ZNF142: variants seen among roughly 807,000 people sequenced by gnomAD.
ZNF142 encodes zinc finger protein 142.
A neutral mutation model predicts 132.1 loss-of-function variants in ZNF142; 96 were observed. The observed-to-expected ratio is 0.73, with a 90% CI of 0.62 to 0.86. ZNF142 has a LOEUF of 0.86. ZNF142 is among the 40% of genes least tolerant of loss of function. The pLI is 0.00. For missense variants in ZNF142, 2,163 were observed against 2,336.2 expected (o/e 0.93, Z 1.53); for synonymous variants, 842 against 890.1 (o/e 0.95, Z 0.96).
chr2:218,656,517 C>T (rs1938519322), intron 3 of ZNF142, 54 bp from the exon 4 acceptor site: 1 of 1,362,268 alleles, frequency 7.3e-7, no homozygotes. Context: ...TTACTTTCTT[C>T]CTGGCTGGCG....
At position 218,649,114 on chromosome 2, in the gene ZNF142, C is replaced by A; in HGVS notation, c.1394G>T (p.Ser465Ile). The A allele has an allele frequency of 6.2e-7, 1 of 1,614,134 alleles. No individual in the cohort carries two copies. Among genetic ancestry groups the A allele is most frequent in the Non-Finnish European group, 8.5e-7 (1 of 1,180,054 alleles). Residue 465 changes from serine to isoleucine, a missense_variant, in exon 7 of 11, where the codon AGC (serine) becomes ATC (isoleucine). Coordinates refer to ENST00000411696, the MANE Select transcript of ZNF142 (RefSeq NM_001379659.1). ...CTTGAGGTGCTCCTTTAGGGCCTGGCTGAGGCGGAATTCCTCACGGCAGAC... is the reference window on the plus strand; with the variant it reads ...CTTGAGGTGCTCCTTTAGGGCCTGGATGAGGCGGAATTCCTCACGGCAGAC... ...CPVCREEFRL[S>I]QALKEHLKSH...
chr2:218,643,074 T>C lies in ZNF142; in HGVS notation c.4042A>G (p.Thr1348Ala), dbSNP rs2106210806. The C allele has an allele frequency of 1.9e-6, 3 of 1,605,132 alleles. No individual in the cohort carries two copies. Among genetic ancestry groups the C allele is most frequent in the South Asian group, 1.1e-5 (1 of 90,422 alleles). Residue 1348 changes from threonine to alanine, a missense_variant, in exon 9 of 11, where the codon ACT (threonine) becomes GCT (alanine). Physicochemically the swap from Thr to Ala is moderately conservative, Grantham distance 58. Around this residue, in one of 7 missense-constraint regions of ZNF142, gnomAD observed 809 missense variants for 801.7 expected, o/e 1.01. Transcript: ENST00000411696. ...SLCPFTAPAA[T>A]ALRLHQKRRH... is the part of the protein sequence containing the mutation. ...CGCTTCTGGTGGAGCCTTAAGGCAG[T>C]GGCAGCAGGAGCAGTGAATGGGCAG...
intron 3 of ZNF142, among the ~76,000 whole-genome samples, chr2:218,656,753 C>A (rs1938545697): frequency 6.6e-6 from 1 of 151,586 alleles, no homozygotes; most frequent in Non-Finnish European, 1.5e-5. Flanking sequence ...AGTCATTAAG[C>A]AATTTGGGTC....
chr2:218,649,622 C>CT (rs1315577701), intron 6 of ZNF142, among the ~76,000 whole-genome samples, 163 bp from the exon 7 acceptor site: 1 of 152,212 alleles, frequency 6.6e-6, no homozygotes, highest in African/African-American at 2.4e-5. Flanking sequence ...GGGTGAGAAA[C>CT]TCAAGTTTTA....
At chr2:218,646,109 A>G in intron 8 of ZNF142, 62 bp downstream of exon 8, 1 of 1,574,648 alleles carries the variant, frequency 6.4e-7, no homozygotes, top group Non-Finnish European at 8.6e-7. Flanking sequence ...GTTAGATCCG[A>G]GAGGAAGCTA....
intron 7 of ZNF142, 149 bp from the exon 8 acceptor site, chr2:218,646,497 A>G: frequency 1.2e-6 from 1 of 859,982 alleles, no homozygotes; most frequent in Non-Finnish European, 1.7e-6. Context: ...TCACAATAAT[A>G]AAGGGCTGCT....
rs774095116 is a variant in ZNF142, at chr2:218,644,280, C to T, written c.2836G>A (p.Gly946Arg). The T allele has an allele frequency of 3.1e-6, 5 of 1,613,932 alleles. No individual in the cohort carries two copies. In the East Asian group the frequency reaches 1.1e-4, roughly 36 times the overall value. Residue 946 changes from glycine (G) to arginine (R), a missense_variant, in exon 9 of 11, where the codon GGG becomes AGG. This residue lies in a region of ZNF142 where 749 missense variants were observed against 830.3 expected (regional missense o/e 0.90). Transcript: ENST00000411696. This position sits in a 1 kb window ranked among gnomAD's most constrained non-coding sequence, Gnocchi z 4.6. ...TCTTCAGCACTCAAGTCAGAAGTCC[C>T]AATACCTTCAAAGCTAGATAGCTCT... is the stretch of plus-strand genomic sequence containing the variant. ...GPELSSFEGI[G>R]TSDLSAEENP...
At position 218,639,171 on chromosome 2, in the gene ZNF142, A is replaced by G. The variant is rs538166008; in HGVS notation, c.5195-363T>C. ...TTTTTAGTGAAGACAGGGTTTCACC[A>G]TGTTGGCCAGGCTGGTCTTGAACTC... On this transcript the variant is annotated intron_variant, in intron 10 of 10. Coordinates refer to ENST00000411696, the MANE Select transcript of ZNF142 (RefSeq NM_001379659.1). Among the ~76,000 whole-genome samples, 5 of 152,260 alleles carry G rather than the reference A, an allele frequency of 3.3e-5. No homozygotes were observed. The East Asian group carries it at 9.7e-4, about 29-fold the overall frequency.
rs555720330 is a variant in ZNF142 at position 218,634,690 on chromosome 2, G to A, written c.*3649C>T. ...GATAACTGGGATAGAAGTGAGGGAA[G>A]AGGTGGCTAGGCCTGACCGGAATGT... On this transcript the variant is annotated 3_prime_UTR_variant, in exon 11 of 11. Transcript: ENST00000411696. The surrounding 1 kb of genome is among the most constrained non-coding windows in gnomAD (Gnocchi z 4.0). The A allele has an allele frequency of 1.3e-6, 2 of 1,576,662 alleles. No homozygotes were observed. The highest frequency in any genetic ancestry group is 1.7e-6 in the Non-Finnish European group (2 of 1,154,326).
chr2:218,638,146 T>C lies in ZNF142; in HGVS notation c.*193A>G. On this transcript the variant is annotated 3_prime_UTR_variant, in exon 11 of 11. Coordinates refer to ENST00000411696, the MANE Select transcript of ZNF142 (RefSeq NM_001379659.1). Reference sequence around the variant, plus strand: ...ATGTACAGCAATAAGAAATCAACGTTATAGTCCATGTCCCTCTTTTATATG... The same window carrying C: ...ATGTACAGCAATAAGAAATCAACGTCATAGTCCATGTCCCTCTTTTATATG... 4.4e-6 allele frequency: 2 copies of C among 458,488 alleles called. No individual in the cohort carries two copies. Among genetic ancestry groups the C allele is most frequent in the Non-Finnish European group, 7.2e-6 (2 of 276,760 alleles). 28.4% of individuals were successfully genotyped at this position (458,488 alleles called of 1,614,324 possible).
At chr2:218,641,338 C>T (rs1399559569) in intron 9 of ZNF142, among the ~76,000 whole-genome samples, 2 of 151,386 alleles carry the variant, frequency 1.3e-5, no homozygotes, top group Non-Finnish European at 1.5e-5. Flanking sequence ...GTTCTGCCTC[C>T]CAGGTTCACG....
Position 218,651,922 on chromosome 2 carries a change from G to T in ZNF142, c.659C>A (p.Ala220Glu). The T allele has an allele frequency of 8.0e-7, 1 of 1,248,254 alleles. No homozygotes were observed. The highest frequency in any genetic ancestry group is 1.1e-6 in the Non-Finnish European group (1 of 950,988). The allele number at this position is 1,248,254 out of a possible 1,614,324, so 77.3% of individuals were successfully genotyped here. ...LQHHLRQTHR[A>E]VPVPCSFRGC... The stretch of plus-strand genomic sequence containing the variant: ...CCGGAAAGAACAGGGCACAGGAACT[G>T]CTCTGTGAGTCTGCCTCAGGTGGTG... Residue 220 changes from alanine to glutamate, a missense_variant, in exon 5 of 11, where the codon GCA becomes GAA. Around this residue, in one of 7 missense-constraint regions of ZNF142, gnomAD observed 195 missense variants for 172.4 expected, o/e 1.13. Transcript: ENST00000411696.
chr2:218,640,718 C>A lies in ZNF142; in HGVS notation c.5140G>T (p.Gly1714Cys). The A allele has an allele frequency of 6.2e-7, 1 of 1,614,180 alleles. No individual in the cohort carries two copies. The highest frequency in any genetic ancestry group is 8.5e-7 in the Non-Finnish European group (1 of 1,180,028). The change falls in exon 10 of 11, where the codon GGC (glycine) becomes TGC (cysteine). Residue 1714 changes from glycine (G) to cysteine (C), a missense_variant. Physicochemically the swap from Gly to Cys is radical, Grantham distance 159. Around this residue, in one of 7 missense-constraint regions of ZNF142, gnomAD observed 325 missense variants for 367.8 expected, o/e 0.88. Transcript: ENST00000411696. Reference sequence around the variant, plus strand: ...TGGTTGACCCACTTGCACTTGTAGCCACACTCAGGGCACAGGTACTTCCGT... The same window carrying A: ...TGGTTGACCCACTTGCACTTGTAGCAACACTCAGGGCACAGGTACTTCCGT... ...EERKYLCPECGYKCKWVNQLK... is the reference protein window; with the variant it reads ...EERKYLCPECCYKCKWVNQLK...
Position 218,633,903 on chromosome 2 carries a change from G to A in ZNF142, c.*4436C>T. On this transcript the variant is annotated 3_prime_UTR_variant, in exon 11 of 11. Coordinates refer to ENST00000411696, the MANE Select transcript of ZNF142 (RefSeq NM_001379659.1). The stretch of plus-strand genomic sequence containing the variant: ...TCAGAAACTCCTTAGAGCAGACAAG[G>A]GCAGAGGAGTTATGAATAGTGGCTC... 1 of 1,237,682 alleles carries A rather than the reference G, an allele frequency of 8.1e-7. No homozygotes were observed. Among genetic ancestry groups the A allele is most frequent in the Non-Finnish European group, 1.1e-6 (1 of 879,266 alleles). 76.7% of individuals were successfully genotyped at this position (1,237,682 alleles called of 1,614,324 possible).
chr2:218,647,116 C>T (rs935903418), intron 7 of ZNF142, among the ~76,000 whole-genome samples: 1 of 152,022 alleles, frequency 6.6e-6, no homozygotes, highest in Admixed American at 6.6e-5. Flanking sequence ...CTCTTCTGAG[C>T]ACTTTGTAAA....
In ZNF142 at chr2:218,653,686, CCTTTT is replaced by C. The variant is rs1160724750; in HGVS notation, c.281-1391_281-1387del. On this transcript the variant is annotated intron_variant, in intron 4 of 10. Coordinates refer to ENST00000411696, the MANE Select transcript of ZNF142 (RefSeq NM_001379659.1). ...ACAATTTGGTGTGTTTCTTTTTGAC[CCTTTT>C]CTTTCCACTTGCTATATATCAAAGA... is the stretch of plus-strand genomic sequence containing the variant. 1.5e-4 allele frequency among the ~76,000 whole-genome samples: 23 copies of C among 152,168 alleles called. No homozygotes were observed. In the East Asian group the frequency reaches 3.9e-3, roughly 26 times the overall value.
rs903491842 is a variant in ZNF142, at chr2:218,652,055, G to A, written c.526C>T (p.Pro176Ser). ...CPVCRQEFAQ[P>S]QALKSHFKIH... ...TTGAAGTGGCTCTTCAGGGCCTGGG[G>A]TTGGGCAAACTCCTGTCTACACACA... Residue 176 changes from proline to serine, a missense_variant, in exon 5 of 11, where the codon CCC (proline) becomes TCC (serine). Coordinates refer to ENST00000411696, the MANE Select transcript of ZNF142 (RefSeq NM_001379659.1). The A allele has an allele frequency of 1.3e-5, 6 of 476,466 alleles. No homozygotes were observed. The highest frequency in any genetic ancestry group is 9.9e-5 in the African/African-American group (5 of 50,400). 29.5% of individuals were successfully genotyped at this position (476,466 alleles called of 1,614,324 possible). A position where few individuals can be genotyped will look rare whatever the true frequency, so the allele number is the denominator to read the frequency against.
chr2:218,648,609 T>C (rs1937657060), intron 7 of ZNF142, 26 bp downstream of exon 7: 2 of 1,597,510 alleles, frequency 1.3e-6, no homozygotes, highest in East Asian at 2.2e-5. Context: ...ATTACAACAT[T>C]ATTTTAAGGA....
chr2:218,656,476 C>G lies in ZNF142; in HGVS notation c.-34-13G>C, dbSNP rs749468567. On this transcript the variant is annotated splice_polypyrimidine_tract_variant and intron_variant, in intron 3 of 10. Coordinates refer to ENST00000411696, the MANE Select transcript of ZNF142 (RefSeq NM_001379659.1). ...GGCTTCTTAAATGCTGACAAGCCAA[C>G]CAGAAGAAAAACAAAGTAAGGTTAG... The G allele has an allele frequency of 7.0e-7, 1 of 1,421,848 alleles. No individual in the cohort carries two copies. The highest frequency in any genetic ancestry group is 1.9e-5 in the South Asian group (1 of 53,478). 88.1% of individuals were successfully genotyped at this position (1,421,848 alleles called of 1,614,324 possible).
Sources: allele counts gnomAD v4.1 joint callset (sites outside exome capture counted in the v4.1 genomes callset), GRCh38; gene constraint gnomAD v4.1.1; regional missense constraint gnomAD v4.1.1; non-coding constraint Gnocchi (gnomAD v3.1); transcripts MANE v1.5; gene names NCBI Gene and HGNC (gene_info 2026-07-23, HGNC 2026-07-21).